LEF1: variants seen among roughly 807,000 people sequenced by gnomAD.
LEF1 encodes the protein lymphoid enhancer binding factor 1.
LEF1 carries 14 observed loss-of-function variants against 51.2 expected under a neutral mutation model. That is an observed-to-expected ratio of 0.27 (90% CI 0.18 to 0.43). The LOEUF (loss-of-function observed/expected upper bound fraction) is 0.43. Ranked by LOEUF, LEF1 falls within the 20% of genes least tolerant of loss-of-function variation. The pLI is 1.00. For missense variants in LEF1, 386 were observed against 512.0 expected (o/e 0.75, Z 2.37); for synonymous variants, 185 against 183.2 (o/e 1.01, Z -0.08).
Position 108,089,211 on chromosome 4 carries a change from A to G in LEF1, c.461T>C (p.Leu154Pro). 1 of 1,614,078 alleles carries G rather than the reference A, an allele frequency of 6.2e-7. No homozygotes were observed. The highest frequency in any genetic ancestry group is 1.1e-5 in the South Asian group (1 of 91,076). Residue 154 changes from leucine to proline, a missense_variant, in exon 4 of 12, where the codon CTC (leucine) becomes CCC (proline). Leu to Pro is a moderately conservative substitution (Grantham distance 98). Transcript: ENST00000265165. The stretch of plus-strand genomic sequence containing the variant: ...GTCACTGTAAGTGATGAGGGGGGTG[A>G]GAGGATGGACCGCATGGGATGGCTG... ...VVQPSHAVHP[L>P]TPLITYSDEH... is the part of the protein sequence containing the mutation.
intron 3 of LEF1, among the ~76,000 whole-genome samples, chr4:108,156,313 T>G (rs1313843521): frequency 1.3e-5 from 2 of 152,234 alleles, no homozygotes; most frequent in Non-Finnish European, 2.9e-5. Context: ...CTGGAAACTC[T>G]ATATTCTATA....
chr4:108,117,229 C>T (rs1403667734), intron 3 of LEF1, among the ~76,000 whole-genome samples: 3 of 151,736 alleles, frequency 2.0e-5, no homozygotes, highest in Admixed American at 6.6e-5. Context: ...CTCCATTATA[C>T]CTTCACATAT....
intron 1 of LEF1, chr4:108,166,821 T>C (rs1745428389): frequency 3.0e-6 from 3 of 985,670 alleles, no homozygotes; most frequent in Admixed American, 6.1e-5. Context: ...TTCCAAGTGA[T>C]GGCGGTTGGA....
intron 3 of LEF1, among the ~76,000 whole-genome samples, chr4:108,153,376 A>G (rs913597359): frequency 6.6e-6 from 1 of 152,154 alleles, no homozygotes; most frequent in African/African-American, 2.4e-5. Context: ...ACGTTCTCCA[A>G]TGTAGCCTTA....
intron 3 of LEF1, among the ~76,000 whole-genome samples, chr4:108,091,480 T>C (rs189922548): frequency 6.6e-6 from 1 of 151,884 alleles, no homozygotes. Context: ...AAAATCACAC[T>C]TTTTTTGGAA....
At chr4:108,090,723 T>C in intron 3 of LEF1, among the ~76,000 whole-genome samples, 1 of 152,196 alleles carries the variant, frequency 6.6e-6, no homozygotes, top group East Asian at 1.9e-4. Flanking sequence ...TTAAAATTCT[T>C]CCCTTCTAGC....
At chr4:108,135,085 T>C (rs1478681466) in intron 3 of LEF1, among the ~76,000 whole-genome samples, 2 of 152,224 alleles carry the variant, frequency 1.3e-5, no homozygotes, top group Non-Finnish European at 2.9e-5. Flanking sequence ...ACATTGCAAG[T>C]TGATGGGTCC....
chr4:108,160,902 C>A (rs1184442539), intron 3 of LEF1, among the ~76,000 whole-genome samples: 4 of 152,124 alleles, frequency 2.6e-5, no homozygotes, highest in African/African-American at 9.7e-5. Flanking sequence ...GGTCCCTCCC[C>A]CACCCCAGGT....
intron 3 of LEF1, among the ~76,000 whole-genome samples, chr4:108,155,312 C>T (rs1241932983): frequency 6.6e-6 from 1 of 152,188 alleles, no homozygotes; most frequent in Non-Finnish European, 1.5e-5. Context: ...CATTCCCTTT[C>T]ATGGTGGATT....
At chr4:108,078,100 A>G in intron 8 of LEF1, 120 bp downstream of exon 8, 2 of 895,132 alleles carry the variant, frequency 2.2e-6, no homozygotes. Context: ...AATGCATCAT[A>G]TCATATCTTG....
At chr4:108,117,718 G>C (rs145010536) in intron 3 of LEF1, among the ~76,000 whole-genome samples, 1 of 152,148 alleles carries the variant, frequency 6.6e-6, no homozygotes, top group Non-Finnish European at 1.5e-5. Flanking sequence ...TTGCGGGGAG[G>C]GGGAGGAAGA....
chr4:108,104,835 G>C (rs777488953), intron 3 of LEF1: 3 of 198,986 alleles, frequency 1.5e-5, no homozygotes, highest in African/African-American at 7.1e-5. Context: ...GGGGCATGCC[G>C]GTGAACTGAC....
At chr4:108,087,847 G>A (rs979813328) in intron 4 of LEF1, among the ~76,000 whole-genome samples, 3 of 152,040 alleles carry the variant, frequency 2.0e-5, no homozygotes, top group Non-Finnish European at 4.4e-5. Flanking sequence ...ACCAAGACTG[G>A]TCCTCCCTCT....
At chr4:108,157,097 C>A (rs961992190) in intron 3 of LEF1, among the ~76,000 whole-genome samples, 20 of 151,230 alleles carry the variant, frequency 1.3e-4, no homozygotes, top group Admixed American at 5.9e-4. Context: ...AATTAAGCTA[C>A]CCTAGAACCA....
chr4:108,103,518 G>A (rs898910320), intron 3 of LEF1, among the ~76,000 whole-genome samples: 7 of 152,138 alleles, frequency 4.6e-5, no homozygotes, highest in Admixed American at 2.6e-4. Flanking sequence ...CAGCTAACTA[G>A]AAATGCTCAA....
chr4:108,064,549 C>T (rs757789449), intron 9 of LEF1, among the ~76,000 whole-genome samples, 165 bp from the exon 10 acceptor site: 4 of 151,966 alleles, frequency 2.6e-5, no homozygotes, highest in African/African-American at 4.8e-5. Context: ...AGCAAGAGAA[C>T]GGGAGAAAAT....
chr4:108,089,469 T>A (rs541818415), intron 3 of LEF1, among the ~76,000 whole-genome samples: 4 of 152,328 alleles, frequency 2.6e-5, no homozygotes, highest in Admixed American at 2.6e-4. Context: ...GTCACTGATA[T>A]TCATGAGTTA....
intron 3 of LEF1, among the ~76,000 whole-genome samples, chr4:108,122,795 A>G (rs987078492): frequency 1.3e-5 from 2 of 151,988 alleles, no homozygotes; most frequent in Non-Finnish European, 2.9e-5. Flanking sequence ...CAATAATTCT[A>G]TTTTCTAAAG....
At chr4:108,063,829 A>T (rs1199290346) in intron 10 of LEF1, among the ~76,000 whole-genome samples, 166 bp from the exon 11 acceptor site, 1 of 152,204 alleles carries the variant, frequency 6.6e-6, no homozygotes, top group East Asian at 1.9e-4. Context: ...TTTTTAATGA[A>T]AGAAAAAAGG....
Sources: gnomAD v4.1 joint callset for allele counts (sites outside exome capture counted in the v4.1 genomes callset) on GRCh38, gnomAD v4.1.1 for gene constraint, MANE v1.5 for transcripts, NCBI Gene and HGNC (gene_info 2026-07-23, HGNC 2026-07-21) for gene names.